The following PKM variants were observed in gnomAD, a reference collection of about 807,000 sequenced individuals.
The protein encoded by PKM is pyruvate kinase M1/2.
In PKM, 18 loss-of-function variants were observed where a neutral mutation model predicts 49.8. That is an observed-to-expected ratio of 0.36 (90% confidence interval 0.25 to 0.54). PKM has a LOEUF of 0.54. PKM is among the 20% of genes least tolerant of loss of function. The pLI is 0.89. For missense variants in PKM, 508 were observed against 713.8 expected (o/e 0.71, Z 3.28); for synonymous variants, 239 against 261.8 (o/e 0.91, Z 0.84).
chr15:72,209,979 T>A, intron 4 of PKM, 120 bp from the exon 5 acceptor site: 2 of 863,288 alleles, frequency 2.3e-6, no homozygotes, highest in Non-Finnish European at 3.9e-6. Context: ...CTAAAAGTAA[T>A]ACAGTTTTTT....
intron 3 of PKM, among the ~76,000 whole-genome samples, chr15:72,214,272 T>G (rs78831173): frequency 0.017 from 2,606 of 152,304 alleles, 45 homozygotes; most frequent in African/African-American, 0.035. Flanking sequence ...ACCATGAGTG[T>G]TTCATGCAAA....
chr15:72,199,513 T>C lies in PKM; in HGVS notation c.*137A>G, dbSNP rs934856789. ...AACACAGCCATGTTTCAGTGAGGCG[T>C]TGATCTTCTTCCCTGGTGTCCCAAC... is the stretch of plus-strand genomic sequence containing the variant. On this transcript the variant is annotated 3_prime_UTR_variant, in exon 11 of 11. Coordinates refer to ENST00000335181, the MANE Select transcript of PKM (RefSeq NM_002654.6). The C allele has an allele frequency of 2.1e-5, 15 of 724,312 alleles. No homozygotes were observed. The highest frequency in any genetic ancestry group is 6.0e-5 in the Admixed American group (3 of 50,056). 44.9% of individuals were successfully genotyped at this position (724,312 alleles called of 1,614,324 possible).
At position 72,200,841 on chromosome 15, in the gene PKM, T is replaced by G; in HGVS notation, c.1308-186A>C. 4.1e-5 allele frequency: 23 copies of G among 560,344 alleles called. No homozygotes were observed. Among genetic ancestry groups the G allele is most frequent in the Non-Finnish European group, 4.1e-5 (13 of 313,884 alleles). The allele number at this position is 560,344 out of a possible 1,614,324, so 34.7% of individuals were successfully genotyped here. ...TCATCCTATATCCCCCACAGCATGCTAGGTTACCATTTGCCCTCTACCCCC... is the reference window on the plus strand; with the variant it reads ...TCATCCTATATCCCCCACAGCATGCGAGGTTACCATTTGCCCTCTACCCCC... On this transcript the variant is annotated intron_variant, in intron 9 of 10. Transcript: ENST00000335181. The surrounding 1 kb of genome is among the most constrained non-coding windows in gnomAD (Gnocchi z 4.6).
intron 3 of PKM, among the ~76,000 whole-genome samples, chr15:72,215,329 C>T (rs560567296): frequency 2.6e-4 from 40 of 152,140 alleles, no homozygotes; most frequent in Non-Finnish European, 5.1e-4. Flanking sequence ...TGGAAAAGTA[C>T]GCCCCAGCCC....
At chr15:72,219,162 T>A in intron 1 of PKM, 52 bp from the exon 2 acceptor site, 1 of 1,526,908 alleles carries the variant, frequency 6.5e-7, no homozygotes, top group Non-Finnish European at 9.0e-7. Flanking sequence ...GTGGTTAATA[T>A]ACCATTTAGC....
intron 2 of PKM, among the ~76,000 whole-genome samples, chr15:72,218,308 G>C (rs2082426033): frequency 6.6e-6 from 1 of 151,892 alleles, no homozygotes; most frequent in Non-Finnish European, 1.5e-5. Context: ...TGTATTTTTA[G>C]TAGAGATGGG....
intron 1 of PKM, among the ~76,000 whole-genome samples, chr15:72,221,924 C>CAAAAAAA (rs10706808): frequency 1.8e-5 from 2 of 109,934 alleles, no homozygotes. Flanking sequence ...AACCTCAAAG[C>CAAAAAAA]AAAAAAAAAA....
intron 6 of PKM, among the ~76,000 whole-genome samples, chr15:72,207,861 CAGTA>C (rs111713437): frequency 5.1e-4 from 77 of 152,376 alleles, no homozygotes; most frequent in African/African-American, 1.2e-3. Flanking sequence ...AAAGCTCAGA[CAGTA>C]AGGCCACTAC....
chr15:72,220,612 T>C (rs997836891), intron 1 of PKM, among the ~76,000 whole-genome samples: 1 of 152,210 alleles, frequency 6.6e-6, no homozygotes, highest in Non-Finnish European at 1.5e-5. Context: ...TCGATGTGTA[T>C]TTCCTAAGCC....
At position 72,202,562 on chromosome 15, in the gene PKM, C is replaced by T. The variant is rs369997463; in HGVS notation, c.1199G>A (p.Arg400His). The T allele has an allele frequency of 2.5e-6, 4 of 1,613,474 alleles. No homozygotes were observed. Among genetic ancestry groups the T allele is most frequent in the South Asian group, 1.1e-5 (1 of 91,006 alleles). ...GGGGTCGCTGGTAATGGGCGCCAGG[C>T]GGCGGAGTTCCTCAAATAATTGCAA... is the stretch of plus-strand genomic sequence containing the variant. ...YHLQLFEELRRLAPITSDPTE... is the reference protein window; with the variant it reads ...YHLQLFEELRHLAPITSDPTE... Residue 400 changes from arginine to histidine, a missense_variant, in exon 9 of 11, where the codon CGC (arginine) becomes CAC (histidine). By Grantham distance (29) the Arg-to-His change is conservative. Coordinates refer to ENST00000335181, the MANE Select transcript of PKM (RefSeq NM_002654.6). The surrounding 1 kb of genome is among the most constrained non-coding windows in gnomAD (Gnocchi z 4.5).
chr15:72,231,103 CTG>C lies in PKM; in HGVS notation c.-14+11_-14+12del. On this transcript the variant is annotated intron_variant, in intron 1 of 10. Coordinates refer to ENST00000335181, the MANE Select transcript of PKM (RefSeq NM_002654.6). ...TGGTGGGGACTGATGGCGTAGCCTC[CTG>C]CACCGCTCACCTCCGGCGCTGACCG... 2.4e-6 allele frequency: 1 copy of C among 408,784 alleles called. No homozygotes were observed. The allele number at this position is 408,784 out of a possible 1,614,324, so 25.3% of individuals were successfully genotyped here. A position where few individuals can be genotyped will look rare whatever the true frequency, so the allele number is the denominator to read the frequency against.
Position 72,202,336 on chromosome 15 carries a change from A to C in PKM, c.1307+118T>G. The C allele has an allele frequency of 4.8e-6, 5 of 1,042,792 alleles. No individual in the cohort carries two copies. In the East Asian group the frequency reaches 1.3e-4, roughly 27 times the overall value. The allele number at this position is 1,042,792 out of a possible 1,614,324, so 64.6% of individuals were successfully genotyped here. On this transcript the variant is annotated intron_variant, in intron 9 of 10. Transcript: ENST00000335181. The surrounding 1 kb of genome is among the most constrained non-coding windows in gnomAD (Gnocchi z 4.5). The stretch of plus-strand genomic sequence containing the variant: ...TCCCTGCAGGCCCAAGGTGGCAGGC[A>C]GAGGGGTCTTACCTTGGCTCAGTGC...
intron 1 of PKM, among the ~76,000 whole-genome samples, chr15:72,227,969 C>T (rs1392907757): frequency 1.3e-5 from 2 of 152,120 alleles, no homozygotes; most frequent in Admixed American, 1.3e-4. Flanking sequence ...ATTCAAGGCA[C>T]AGAAGCAACT....
chr15:72,206,425 G>A (rs1245119360), intron 8 of PKM: 1 of 422,962 alleles, frequency 2.4e-6, no homozygotes, highest in African/African-American at 2.0e-5. Context: ...CAGGACTTAA[G>A]CCATGGGAAG....
rs1021129638 is a variant in PKM at position 72,218,972 on chromosome 15, G to T, written c.126C>A (p.Ala42=). ...RLDIDSPPIT[A]RNTGIICTIG... is the part of the protein sequence containing the mutation. ...TGGTACAGATGATGCCAGTGTTCCG[G>T]GCTGTGATGGGTGGTGAATCAATGT... The change falls in exon 2 of 11, where the codon GCC becomes GCA. Residue 42 remains alanine (A), a synonymous_variant. Transcript: ENST00000335181. 1.2e-6 allele frequency: 2 copies of T among 1,614,142 alleles called. No homozygotes were observed. Among genetic ancestry groups the T allele is most frequent in the South Asian group, 2.2e-5 (2 of 91,080 alleles).
chr15:72,228,175 A>C (rs2082736243), intron 1 of PKM, among the ~76,000 whole-genome samples: 1 of 152,238 alleles, frequency 6.6e-6, no homozygotes, highest in Non-Finnish European at 1.5e-5. Context: ...TCAGTAACTG[A>C]GAAATGAGTT....
intron 1 of PKM, among the ~76,000 whole-genome samples, chr15:72,230,409 G>A (rs1366096145): frequency 1.3e-5 from 2 of 152,246 alleles, no homozygotes; most frequent in Non-Finnish European, 2.9e-5. Context: ...AGGCGGTGAT[G>A]GAAAAGGGGG....
At chr15:72,206,073 A>G (rs779551924) in intron 8 of PKM, among the ~76,000 whole-genome samples, 8 of 152,222 alleles carry the variant, frequency 5.3e-5, no homozygotes, top group Non-Finnish European at 1.0e-4. Flanking sequence ...CGCTGTCTCT[A>G]TCTGTGGCCC....
rs781492852 is a variant in PKM, at chr15:72,200,540, T to C, written c.1423A>G (p.Lys475Glu). 1 of 1,613,792 alleles carries C rather than the reference T, an allele frequency of 6.2e-7. No homozygotes were observed. The highest frequency in any genetic ancestry group is 1.3e-5 in the African/African-American group (1 of 74,886). ...GCCCAGGCCTCCTGGACTGGGTCCTTGCACAGCACAGGGAAGATGCCACGG... is the reference window on the plus strand; with the variant it reads ...GCCCAGGCCTCCTGGACTGGGTCCTCGCACAGCACAGGGAAGATGCCACGG... ...LYRGIFPVLC[K>E]DPVQEAWAED... The change falls in exon 10 of 11, where the codon AAG becomes GAG. Residue 475 changes from lysine (K) to glutamate (E), a missense_variant. Coordinates refer to ENST00000335181, the MANE Select transcript of PKM (RefSeq NM_002654.6). This position sits in a 1 kb window ranked among gnomAD's most constrained non-coding sequence, Gnocchi z 4.6.
Sources: allele counts gnomAD v4.1 joint callset (sites outside exome capture counted in the v4.1 genomes callset), GRCh38; gene constraint gnomAD v4.1.1; non-coding constraint Gnocchi (gnomAD v3.1); transcripts MANE v1.5; gene names NCBI Gene and HGNC (gene_info 2026-07-23, HGNC 2026-07-21).